Variants in TENM3 observed in about 807,000 individuals in gnomAD.
TENM3 encodes the protein teneurin transmembrane protein 3, also known as teneurin-3.
A neutral mutation model predicts 255.1 loss-of-function variants in TENM3; 63 were observed. That is an observed-to-expected ratio of 0.25 (90% confidence interval 0.20 to 0.30). The LOEUF is 0.30. TENM3 is among the 10% of genes least tolerant of loss of function. The probability of loss-of-function intolerance (pLI) is 1.00; values close to 1 mark genes in which losing one functional copy is unlikely to be tolerated. For synonymous variants in TENM3, 1,306 were observed against 1,322.3 expected, an observed-to-expected ratio of 0.99 and a Z score of 0.27; for missense variants, 2,929 against 3,461.1, an observed-to-expected ratio of 0.85 and a Z score of 3.86.
At chr4:181,461,353 G>T in the TENM3 span, among the ~76,000 whole-genome samples, 4 of 151,866 alleles carry the variant, frequency 2.6e-5, no homozygotes, top group African/African-American at 9.7e-5. Flanking sequence ...TTGTGCCTTG[G>T]TGTGGTTTTA....
the TENM3 span, among the ~76,000 whole-genome samples, chr4:181,889,794 A>G: frequency 2.6e-5 from 4 of 152,208 alleles, no homozygotes; most frequent in Admixed American, 2.0e-4. Context: ...GAATCTATGC[A>G]TATAAATGTT....
chr4:182,210,602 A>C (rs77064103), intron 1 of TENM3, among the ~76,000 whole-genome samples: 9,907 of 141,370 alleles, frequency 0.07, 447 homozygotes, highest in Non-Finnish European at 0.1. Context: ...CGCTGCCTCC[A>C]TTTTCCCCCT....
At chr4:181,588,723 T>C in the TENM3 span, among the ~76,000 whole-genome samples, 1 of 152,178 alleles carries the variant, frequency 6.6e-6, no homozygotes, top group East Asian at 1.9e-4. Context: ...AAGTAGATCA[T>C]GGAACTACAA....
chr4:181,610,232 A>C, the TENM3 span, among the ~76,000 whole-genome samples: 1 of 152,202 alleles, frequency 6.6e-6, no homozygotes, highest in Non-Finnish European at 1.5e-5. Context: ...TGCATGAAAT[A>C]AATCTATGGG....
the TENM3 span, among the ~76,000 whole-genome samples, chr4:181,696,028 A>G: frequency 2.0e-5 from 3 of 152,182 alleles, no homozygotes; most frequent in Non-Finnish European, 4.4e-5. Context: ...AATGGGAAGT[A>G]AAGTCATGTG....
At chr4:181,833,368 G>A in the TENM3 span, among the ~76,000 whole-genome samples, 11 of 151,972 alleles carry the variant, frequency 7.2e-5, no homozygotes, top group Non-Finnish European at 1.2e-4. Context: ...TACTGTCCAC[G>A]GGGCTATCAC....
At position 182,623,668 on chromosome 4, in the gene TENM3, A is replaced by G. The variant is rs188182370; in HGVS notation, c.750-4983A>G. On this transcript the variant is annotated intron_variant, in intron 4 of 27. Transcript: ENST00000511685. ...GCCTCATTCCTAGAATCTTCTCTTC[A>G]GGCAGTTTGGGTCCCTCCCTCCCTT... Among the ~76,000 whole-genome samples, 87 of 152,044 alleles carry G rather than the reference A, an allele frequency of 5.7e-4. 1 individual carries two copies. Among genetic ancestry groups the G allele is most frequent in the East Asian group, 1.9e-3 (10 of 5,134 alleles).
chr4:181,562,529 C>T, the TENM3 span, among the ~76,000 whole-genome samples: 4 of 152,112 alleles, frequency 2.6e-5, no homozygotes, highest in Non-Finnish European at 5.9e-5. Context: ...TCCAGGGACC[C>T]ATGTATTTTC....
the TENM3 span, among the ~76,000 whole-genome samples, chr4:181,869,002 C>CAA: frequency 1.4e-5 from 2 of 141,928 alleles, no homozygotes; most frequent in Non-Finnish European, 3.1e-5. Flanking sequence ...CCTAAATTTC[C>CAA]AAAAAAAAAA....
chr4:182,796,522 C>A, intron 26 of TENM3, 115 bp from the exon 27 acceptor site: 1 of 994,438 alleles, frequency 1.0e-6, no homozygotes, highest in Non-Finnish European at 1.4e-6. Flanking sequence ...CAAACAGGTG[C>A]TCTTTTTCAG....
the TENM3 span, among the ~76,000 whole-genome samples, chr4:181,610,647 A>G: frequency 6.6e-6 from 1 of 152,090 alleles, no homozygotes; most frequent in Non-Finnish European, 1.5e-5. Context: ...TAAAGTTGAA[A>G]AATTACCTCA....
intron 3 of TENM3, among the ~76,000 whole-genome samples, chr4:182,535,367 C>CA (rs1740198446): frequency 6.6e-6 from 1 of 152,156 alleles, no homozygotes; most frequent in South Asian, 2.1e-4. Flanking sequence ...GTATTCTTCT[C>CA]ATAGACTCTG....
At chr4:182,730,793 A>T (rs1022843354) in intron 15 of TENM3, 85 bp from the exon 16 acceptor site, 1 of 1,420,684 alleles carries the variant, frequency 7.0e-7, no homozygotes, top group African/African-American at 1.4e-5. Context: ...GATTTTCTTT[A>T]TAAAGCATAT....
intron 1 of TENM3, among the ~76,000 whole-genome samples, chr4:182,198,073 C>G (rs993362706): frequency 1.1e-4 from 17 of 151,944 alleles, no homozygotes; most frequent in African/African-American, 4.1e-4. Flanking sequence ...CCACTGTACT[C>G]CAGCCTGGGC....
At chr4:182,301,387 G>A (rs1761847090) in intron 1 of TENM3, among the ~76,000 whole-genome samples, 1 of 152,150 alleles carries the variant, frequency 6.6e-6, no homozygotes, top group Admixed American at 6.6e-5. Context: ...CATATTATTA[G>A]CTTTTATTCC....
intron 12 of TENM3, among the ~76,000 whole-genome samples, chr4:182,689,366 G>T (rs996008168): frequency 6.6e-6 from 1 of 152,126 alleles, no homozygotes; most frequent in Non-Finnish European, 1.5e-5. Context: ...TTGGTTAGCC[G>T]GGAACTTTGT....
At chr4:182,511,027 C>T (rs931960328) in intron 3 of TENM3, among the ~76,000 whole-genome samples, 3 of 152,168 alleles carry the variant, frequency 2.0e-5, no homozygotes, top group Non-Finnish European at 2.9e-5. Context: ...CTCAGTGTTC[C>T]TCAGCTGTGA....
intron 3 of TENM3, among the ~76,000 whole-genome samples, chr4:182,592,853 C>T (rs961793759): frequency 6.6e-6 from 1 of 152,096 alleles, no homozygotes; most frequent in Non-Finnish European, 1.5e-5. Context: ...AAAGATATAG[C>T]CAGGAAGTGA....
At chr4:182,414,284 T>C (rs1770210570) in intron 3 of TENM3, among the ~76,000 whole-genome samples, 1 of 152,202 alleles carries the variant, frequency 6.6e-6, no homozygotes, top group South Asian at 2.1e-4. Context: ...CCAGGATTTA[T>C]TTTGCTAACA....
Sources: gnomAD v4.1 joint callset for allele counts (sites outside exome capture counted in the v4.1 genomes callset) on GRCh38, gnomAD v4.1.1 for gene constraint, MANE v1.5 for transcripts, NCBI Gene and HGNC (gene_info 2026-07-23, HGNC 2026-07-21) for gene names.